UNC5CL: variants seen among roughly 807,000 people sequenced by gnomAD.
The protein encoded by UNC5CL is UNC5C-like protein.
UNC5CL carries 42 observed loss-of-function variants against 54.1 expected under a neutral mutation model. The ratio of observed to expected loss-of-function variants is 0.78; its 90% confidence interval spans 0.61 to 1.00. The LOEUF (loss-of-function observed/expected upper bound fraction) is 1.00, where lower values mean the gene tolerates loss of function less well. Ranked by LOEUF, UNC5CL falls within the 50% of genes least tolerant of loss-of-function variation. The pLI is 0.00. For synonymous variants in UNC5CL, 285 were observed against 285.1 expected, an observed-to-expected ratio of 1.00 and a Z score of 0.00; for missense variants, 619 against 675.6, an observed-to-expected ratio of 0.92 and a Z score of 0.93.
At position 41,028,198 on chromosome 6, in the gene UNC5CL, C is replaced by CG; in HGVS notation, c.*174dup. 4.3e-6 allele frequency: 3 copies of CG among 689,886 alleles called. No homozygotes were observed. The highest frequency in any genetic ancestry group is 4.7e-6 in the Non-Finnish European group (2 of 429,928). 42.7% of individuals were successfully genotyped at this position (689,886 alleles called of 1,614,324 possible). ...ACCCGCACGCGGGACAGCTCGCGGC[C>CG]GGAAGGGCGCGCCTGCTGCTGGGAG... On this transcript the variant is annotated 3_prime_UTR_variant, in exon 9 of 9. Coordinates refer to ENST00000244565, the MANE Select transcript of UNC5CL (RefSeq NM_173561.3). The surrounding 1 kb of genome is among the most constrained non-coding windows in gnomAD (Gnocchi z 4.3).
chr6:41,030,539 C>T (rs1368414948), intron 7 of UNC5CL, 38 bp from the exon 8 acceptor site: 2 of 1,611,974 alleles, frequency 1.2e-6, no homozygotes, highest in Non-Finnish European at 1.7e-6. Context: ...AAGAAAGGGA[C>T]AAACAGACCC....
chr6:41,033,036 C>A lies in UNC5CL; in HGVS notation c.797G>T (p.Arg266Leu), dbSNP rs565836218. 10 of 1,611,044 alleles carry A rather than the reference C, an allele frequency of 6.2e-6. No individual in the cohort carries two copies. Among genetic ancestry groups the A allele is most frequent in the African/African-American group, 1.3e-5 (1 of 75,030 alleles). The change falls in exon 4 of 9, where the codon CGT (arginine) becomes CTT (leucine). Residue 266 changes from arginine to leucine, a missense_variant. Transcript: ENST00000244565. Reference protein sequence around the residue: ...LVPGQSHLQLRIYFLNNTPCA... With the variant: ...LVPGQSHLQLLIYFLNNTPCA... ...GGGCGTGTTGTTGAGGAAGTAGATA[C>A]GCAGTTGCAGATGGGACTGTCCTGG...
Position 41,028,735 on chromosome 6 carries a change from G to T in UNC5CL, c.1335-140C>A. ...TTTTGTCCTTGTCCTGCTCTTGCCTGCCTTCCAGGGCACAGGAGGTGGGAA... is the reference window on the plus strand; with the variant it reads ...TTTTGTCCTTGTCCTGCTCTTGCCTTCCTTCCAGGGCACAGGAGGTGGGAA... On this transcript the variant is annotated intron_variant, in intron 8 of 8. Coordinates refer to ENST00000244565, the MANE Select transcript of UNC5CL (RefSeq NM_173561.3). This position sits in a 1 kb window ranked among gnomAD's most constrained non-coding sequence, Gnocchi z 4.3. 3 of 801,282 alleles carry T rather than the reference G, an allele frequency of 3.7e-6. No individual in the cohort carries two copies. The highest frequency in any genetic ancestry group is 5.8e-6 in the Non-Finnish European group (3 of 520,182). The allele number at this position is 801,282 out of a possible 1,614,324, so 49.6% of individuals were successfully genotyped here. A position where few individuals can be genotyped will look rare whatever the true frequency, so the allele number is the denominator to read the frequency against.
In UNC5CL at chr6:41,033,016, T is replaced by A; in HGVS notation, c.817A>T (p.Thr273Ser). The A allele has an allele frequency of 5.0e-6, 8 of 1,608,684 alleles. No individual in the cohort carries two copies. The highest frequency in any genetic ancestry group is 6.8e-6 in the Non-Finnish European group (8 of 1,177,656). Residue 273 changes from threonine (T) to serine (S), a missense_variant, in exon 4 of 9, where the codon ACG becomes TCG. Coordinates refer to ENST00000244565, the MANE Select transcript of UNC5CL (RefSeq NM_173561.3). ...AGTGCCCACTGCAGGGCGCAGGGCG[T>A]GTTGTTGAGGAAGTAGATACGCAGT... is the stretch of plus-strand genomic sequence containing the variant. Reference protein sequence around the residue: ...LQLRIYFLNNTPCALQWALTN... With the variant: ...LQLRIYFLNNSPCALQWALTN...
At chr6:41,030,284 T>C in intron 8 of UNC5CL, 104 bp downstream of exon 8, 2 of 1,115,812 alleles carry the variant, frequency 1.8e-6, no homozygotes, top group Non-Finnish European at 2.7e-6. Context: ...TTCTCTGACT[T>C]TTAAGTCACT....
Position 41,028,670 on chromosome 6 carries a change from G to T in UNC5CL, c.1335-75C>A. 1 of 1,417,258 alleles carries T rather than the reference G, an allele frequency of 7.1e-7. No homozygotes were observed. The highest frequency in any genetic ancestry group is 9.7e-7 in the Non-Finnish European group (1 of 1,032,814). 87.8% of individuals were successfully genotyped at this position (1,417,258 alleles called of 1,614,324 possible). A position where few individuals can be genotyped will look rare whatever the true frequency, so the allele number is the denominator to read the frequency against. On this transcript the variant is annotated intron_variant, in intron 8 of 8. Transcript: ENST00000244565. This position sits in a 1 kb window ranked among gnomAD's most constrained non-coding sequence, Gnocchi z 4.3. Reference sequence around the variant, plus strand: ...TCCCCCCCTGCTGCAGGCTCCCTGGGCTGCGCAGCGCAAGGTCCGTCCCTT... The same window carrying T: ...TCCCCCCCTGCTGCAGGCTCCCTGGTCTGCGCAGCGCAAGGTCCGTCCCTT...
At position 41,028,579 on chromosome 6, in the gene UNC5CL, G is replaced by A. The variant is rs774519376; in HGVS notation, c.1351C>T (p.Arg451Cys). ...GMKIRFLSCQ[R>C]SPAAAILELF... ...TCCAGGATGGCCGCTGCGGGGCTGC[G>A]CTGGCAGGACAGGAACCTGGCCCGA... Residue 451 changes from arginine (R) to cysteine (C), a missense_variant, in exon 9 of 9, where the codon CGC becomes TGC. By Grantham distance (180) the Arg-to-Cys change is radical. Coordinates refer to ENST00000244565, the MANE Select transcript of UNC5CL (RefSeq NM_173561.3). The surrounding 1 kb of genome is among the most constrained non-coding windows in gnomAD (Gnocchi z 4.3). 1.2e-6 allele frequency: 2 copies of A among 1,613,358 alleles called. No homozygotes were observed. Among genetic ancestry groups the A allele is most frequent in the South Asian group, 1.1e-5 (1 of 91,078 alleles).
At position 41,032,868 on chromosome 6, in the gene UNC5CL, C is replaced by G; in HGVS notation, c.949+16G>C. 6.3e-7 allele frequency: 1 copy of G among 1,579,706 alleles called. No individual in the cohort carries two copies. ...GCTCCCGATCATCCTATCCCACAGG[C>G]CACTGCCTCCCTCACCCTCTGAGAT... On this transcript the variant is annotated intron_variant, in intron 4 of 8. Transcript: ENST00000244565.
Position 41,027,370 on chromosome 6 carries a change from AAGAC to A in UNC5CL, c.*999_*1002del, listed in dbSNP as rs1324227277. On this transcript the variant is annotated 3_prime_UTR_variant, in exon 9 of 9. Transcript: ENST00000244565. Reference sequence around the variant, plus strand: ...AGACTAGGCAGAAACAAAAAGATCTAAGACAGAGAGAGAGAGTAACTGAAACACA... The same window carrying A: ...AGACTAGGCAGAAACAAAAAGATCTAAGAGAGAGAGAGTAACTGAAACACA... 1 of 152,298 alleles carries A rather than the reference AAGAC, an allele frequency of 6.6e-6. No individual in the cohort carries two copies. Among genetic ancestry groups the A allele is most frequent in the African/African-American group, 2.4e-5 (1 of 41,462 alleles). The allele number at this position is 152,298 out of a possible 1,614,324, so 9.4% of individuals were successfully genotyped here.
At chr6:41,037,891 C>T (rs1249048302) in intron 1 of UNC5CL, among the ~76,000 whole-genome samples, 1 of 152,232 alleles carries the variant, frequency 6.6e-6, no homozygotes, top group East Asian at 1.9e-4. Flanking sequence ...ATTCGCAGAG[C>T]TTTACTCAAT....
intron 5 of UNC5CL, 110 bp downstream of exon 5, chr6:41,031,926 G>T: frequency 7.8e-7 from 1 of 1,279,570 alleles, no homozygotes; most frequent in Non-Finnish European, 1.1e-6. Flanking sequence ...GAAGGTCTGT[G>T]TGCATGGCTG....
At chr6:41,031,538 G>C (rs1762452645) in intron 6 of UNC5CL, 143 bp downstream of exon 6, 2 of 782,648 alleles carry the variant, frequency 2.6e-6, no homozygotes, top group Admixed American at 2.2e-5. Flanking sequence ...GCCCCTCAAA[G>C]AGCTGGTATG....
At chr6:41,032,781 G>A in intron 4 of UNC5CL, 103 bp downstream of exon 4, 1 of 1,431,382 alleles carries the variant, frequency 7.0e-7, no homozygotes, top group Non-Finnish European at 9.2e-7. Context: ...AAGAGAGAGA[G>A]ACTTGGGATC....
At chr6:41,035,256 A>G (rs1762511156) in intron 1 of UNC5CL, 121 bp from the exon 2 acceptor site, 2 of 676,382 alleles carry the variant, frequency 3.0e-6, no homozygotes, top group Admixed American at 6.4e-5. Context: ...CTTTAGTCAC[A>G]CCAATTCTTT....
rs529612179 is a variant in UNC5CL, at chr6:41,031,580, T to A, written c.1119+101A>T. 4.4e-5 allele frequency: 51 copies of A among 1,164,392 alleles called. No individual in the cohort carries two copies. In the African/African-American group the frequency reaches 6.8e-4, roughly 16 times the overall value. 72.1% of individuals were successfully genotyped at this position (1,164,392 alleles called of 1,614,324 possible). Reference sequence around the variant, plus strand: ...CTATGGAAAGTGCCATCTTTACCTATGTGATTAAGACCATAGTTACTGGGC... The same window carrying A: ...CTATGGAAAGTGCCATCTTTACCTAAGTGATTAAGACCATAGTTACTGGGC... On this transcript the variant is annotated intron_variant, in intron 6 of 8. Coordinates refer to ENST00000244565, the MANE Select transcript of UNC5CL (RefSeq NM_173561.3).
chr6:41,032,997 C>T lies in UNC5CL; in HGVS notation c.836G>A (p.Trp279Ter). Residue 279 changes from tryptophan (W) to a stop codon, truncating the protein, a stop_gained, in exon 4 of 9, where the codon TGG becomes TAG. Transcript: ENST00000244565. LOFTEE classifies it high-confidence loss of function. ...ATGGGGCTGCTCGTTGGTCAGTGCC[C>T]ACTGCAGGGCGCAGGGCGTGTTGTT... ...FLNNTPCALQ[W>*]ALTNEQPHGG... is the part of the protein sequence containing the mutation. The T allele has an allele frequency of 6.2e-7, 1 of 1,605,596 alleles. No individual in the cohort carries two copies. The highest frequency in any genetic ancestry group is 1.1e-5 in the South Asian group (1 of 89,530).
chr6:41,028,312 T>C lies in UNC5CL; in HGVS notation c.*61A>G. On this transcript the variant is annotated 3_prime_UTR_variant, in exon 9 of 9. Transcript: ENST00000244565. This position sits in a 1 kb window ranked among gnomAD's most constrained non-coding sequence, Gnocchi z 4.3. ...CCAGGAACAGCTGCTGTGTTCCTCT[T>C]AGGCGTAGGAGAACAACCCCTCTCG... 6.9e-7 allele frequency: 1 copy of C among 1,446,442 alleles called. No individual in the cohort carries two copies. Among genetic ancestry groups the C allele is most frequent in the Non-Finnish European group, 9.2e-7 (1 of 1,083,434 alleles). 89.6% of individuals were successfully genotyped at this position (1,446,442 alleles called of 1,614,324 possible).
At chr6:41,031,867 A>C (rs776170136) in intron 5 of UNC5CL, 119 bp from the exon 6 acceptor site, 26 of 1,278,610 alleles carry the variant, frequency 2.0e-5, no homozygotes, top group Non-Finnish European at 2.7e-5. Flanking sequence ...GGGGTCCAAC[A>C]CTCCATTTTT....
rs755275856 is a variant in UNC5CL at position 41,034,152 on chromosome 6, C to T, written c.415G>A (p.Val139Met). ...AGGTCCCACACCAGGATCAAAGACA[C>T]CCGCTCCTGGCGGCCCACAGCCACA... Reference protein sequence around the residue: ...GAVAVGRQERVSLILVWDLSD... With the variant: ...GAVAVGRQERMSLILVWDLSD... The change falls in exon 3 of 9, where the codon GTG becomes ATG. Residue 139 changes from valine to methionine, a missense_variant. By Grantham distance (21) the Val-to-Met change is conservative. Coordinates refer to ENST00000244565, the MANE Select transcript of UNC5CL (RefSeq NM_173561.3). The T allele has an allele frequency of 6.2e-7, 1 of 1,610,344 alleles. No homozygotes were observed. Among genetic ancestry groups the T allele is most frequent in the Admixed American group, 1.7e-5 (1 of 59,754 alleles).
Sources: gnomAD v4.1 joint callset for allele counts (sites outside exome capture counted in the v4.1 genomes callset) on GRCh38, gnomAD v4.1.1 for gene constraint, Gnocchi (gnomAD v3.1) non-coding constraint, MANE v1.5 for transcripts, NCBI Gene and HGNC (gene_info 2026-07-23, HGNC 2026-07-21) for gene names.